The following ZNF536 variants were observed in gnomAD, a reference collection of about 807,000 sequenced individuals.
ZNF536 encodes zinc finger protein 536.
In ZNF536, 13 loss-of-function variants were observed where a neutral mutation model predicts 84.5. The ratio of observed to expected loss-of-function variants is 0.15; its 90% CI spans 0.10 to 0.24. The LOEUF is 0.24. ZNF536 is among the 10% of genes least tolerant of loss of function. The probability of loss-of-function intolerance (pLI) is 1.00; values close to 1 mark genes in which losing one functional copy is unlikely to be tolerated. For synonymous variants in ZNF536, 811 were observed against 742.5 expected (o/e 1.09, Z -1.50); for missense variants, 1,536 against 1,747.5 (o/e 0.88, Z 2.16).
chr19:30,435,199 G>A (rs1220431758), intron 1 of ZNF536, among the ~76,000 whole-genome samples: 1 of 151,830 alleles, frequency 6.6e-6, no homozygotes, highest in African/African-American at 2.4e-5. Flanking sequence ...TGATGATGCT[G>A]ATGATGGTGA....
At chr19:30,643,086 A>G (rs2049324902) in intron 1 of ZNF536, among the ~76,000 whole-genome samples, 2 of 152,180 alleles carry the variant, frequency 1.3e-5, no homozygotes, top group South Asian at 4.1e-4. Context: ...GATTTGCATA[A>G]ATTAATAAAA....
At chr19:30,673,414 C>T (rs540430449) in intron 1 of ZNF536, among the ~76,000 whole-genome samples, 11 of 152,186 alleles carry the variant, frequency 7.2e-5, no homozygotes, top group African/African-American at 9.7e-5. Flanking sequence ...CATTGCTCCA[C>T]GCTGGGGTCC....
At chr19:30,294,288 C>A (rs1002813597) in intron 2 of ZNF536, among the ~76,000 whole-genome samples, 1 of 152,076 alleles carries the variant, frequency 6.6e-6, no homozygotes, top group Non-Finnish European at 1.5e-5. Flanking sequence ...ATTTTCCCTA[C>A]CCCCAAGTCA....
intron 1 of ZNF536, among the ~76,000 whole-genome samples, chr19:30,412,311 A>G (rs543629416): frequency 6.6e-6 from 1 of 152,112 alleles, no homozygotes; most frequent in African/African-American, 2.4e-5. Flanking sequence ...AACAGAAATA[A>G]TTCCAATGTT....
chr19:30,516,583 A>C (rs2044082120), intron 2 of ZNF536, among the ~76,000 whole-genome samples: 1 of 152,206 alleles, frequency 6.6e-6, no homozygotes, highest in South Asian at 2.1e-4. Flanking sequence ...CGGAAAGGTC[A>C]ACCCACATGT....
intron 1 of ZNF536, among the ~76,000 whole-genome samples, chr19:30,281,196 C>CTT (rs1158829460): frequency 6.6e-6 from 1 of 152,150 alleles, no homozygotes; most frequent in Non-Finnish European, 1.5e-5. Context: ...CTTGGAAGTA[C>CTT]CTCTGGCTCT....
chr19:30,449,542 C>T (rs2052502168), intron 2 of ZNF536, among the ~76,000 whole-genome samples: 1 of 152,094 alleles, frequency 6.6e-6, no homozygotes, highest in African/African-American at 2.4e-5. Flanking sequence ...TCATTATATC[C>T]AACAGGGCAG....
intron 1 of ZNF536, among the ~76,000 whole-genome samples, chr19:30,441,303 G>T (rs1393709348): frequency 3.9e-5 from 6 of 152,244 alleles, no homozygotes; most frequent in African/African-American, 1.2e-4. Context: ...GCAATCCTGT[G>T]TGGCTTCAGG....
intron 1 of ZNF536, among the ~76,000 whole-genome samples, chr19:30,422,201 C>A (rs2050991176): frequency 1.3e-5 from 2 of 152,044 alleles, no homozygotes. Flanking sequence ...TGACCCTTAG[C>A]TACTGGAGAG....
intron 1 of ZNF536, among the ~76,000 whole-genome samples, chr19:30,273,439 G>A (rs993811346): frequency 6.6e-6 from 1 of 152,216 alleles, no homozygotes; most frequent in Non-Finnish European, 1.5e-5. Flanking sequence ...TGTGATAGGG[G>A]TGTAGTGGTA....
intron 1 of ZNF536, among the ~76,000 whole-genome samples, chr19:30,658,530 C>A (rs970284265): frequency 6.6e-6 from 1 of 151,412 alleles, no homozygotes; most frequent in East Asian, 1.9e-4. Context: ...GAATGACAAC[C>A]TCTCTCTGTC....
At chr19:30,505,731 T>A (rs2145417565) in intron 2 of ZNF536, among the ~76,000 whole-genome samples, 1 of 152,208 alleles carries the variant, frequency 6.6e-6, no homozygotes, top group Non-Finnish European at 1.5e-5. Context: ...AGTGGCATGA[T>A]CTCGGCTCAC....
intron 1 of ZNF536, among the ~76,000 whole-genome samples, chr19:30,583,012 C>T (rs2046977851): frequency 6.6e-6 from 1 of 152,298 alleles, no homozygotes; most frequent in Non-Finnish European, 1.5e-5. Flanking sequence ...ATCCTCCTAA[C>T]TCAGCCTCCC....
intron 3 of ZNF536, among the ~76,000 whole-genome samples, chr19:30,546,504 A>G (rs1348990036): frequency 6.6e-6 from 1 of 152,186 alleles, no homozygotes; most frequent in Admixed American, 6.5e-5. Context: ...TGGAGATGAC[A>G]TGGCATCTCC....
At chr19:30,412,051 T>TA (rs1284888447) in intron 1 of ZNF536, among the ~76,000 whole-genome samples, 1 of 151,986 alleles carries the variant, frequency 6.6e-6, no homozygotes, top group Non-Finnish European at 1.5e-5. Context: ...TGTTTTTTTT[T>TA]ATACAGGAAA....
intron 1 of ZNF536, among the ~76,000 whole-genome samples, chr19:30,669,482 C>T (rs2050460378): frequency 6.6e-6 from 1 of 152,204 alleles, no homozygotes; most frequent in African/African-American, 2.4e-5. Context: ...AAGGGACAGG[C>T]TCCTGGAGAG....
intron 1 of ZNF536, among the ~76,000 whole-genome samples, chr19:30,242,500 T>C (rs1401729830): frequency 1.3e-5 from 2 of 152,226 alleles, no homozygotes; most frequent in African/African-American, 4.8e-5. Flanking sequence ...GGTTCCTCTT[T>C]CCTACGCATG....
At chr19:30,671,961 T>C (rs971806502) in intron 1 of ZNF536, among the ~76,000 whole-genome samples, 11 of 152,152 alleles carry the variant, frequency 7.2e-5, no homozygotes, top group Non-Finnish European at 1.5e-4. Flanking sequence ...GGAGTTCTTT[T>C]CTCAGTAGGA....
intron 1 of ZNF536, among the ~76,000 whole-genome samples, chr19:30,694,072 A>G (rs1452614629): frequency 2.0e-5 from 3 of 152,182 alleles, no homozygotes; most frequent in Non-Finnish European, 4.4e-5. Context: ...CTTGGATGCC[A>G]GCTTTCAGTG....
Sources: gnomAD v4.1 joint callset for allele counts (sites outside exome capture counted in the v4.1 genomes callset) on GRCh38, gnomAD v4.1.1 for gene constraint, MANE v1.5 for transcripts, NCBI Gene and HGNC (gene_info 2026-07-23, HGNC 2026-07-21) for gene names.